The following USP28 variants were observed in gnomAD, a reference collection of about 807,000 sequenced individuals.
USP28 encodes the protein ubiquitin specific peptidase 28.
Under a neutral mutation model 145.0 loss-of-function variants are expected in USP28, and 113 were observed. That is an observed-to-expected ratio of 0.78 (90% CI 0.67 to 0.91). The LOEUF (loss-of-function observed/expected upper bound fraction) is 0.91. Among genes scored for constraint, USP28 ranks in the 40% least tolerant of loss-of-function variants. USP28 has a pLI of 0.00. For synonymous variants in USP28, 447 were observed against 450.9 expected (o/e 0.99, Z 0.11); for missense variants, 1,201 against 1,289.6 (o/e 0.93, Z 1.05).
intron 12 of USP28, among the ~76,000 whole-genome samples, chr11:113,818,729 C>G (rs1159950204): frequency 6.6e-6 from 1 of 152,042 alleles, no homozygotes; most frequent in Non-Finnish European, 1.5e-5. Context: ...GGCATGATGG[C>G]ACACTCCTGT....
intron 12 of USP28, among the ~76,000 whole-genome samples, chr11:113,819,666 G>A (rs1942310834): frequency 6.6e-6 from 1 of 152,074 alleles, no homozygotes; most frequent in Non-Finnish European, 1.5e-5. Flanking sequence ...AATGTATCAA[G>A]GGAATAATTA....
exon 25 of USP28, chr11:113,799,079 T>C (rs1410265885): frequency 1.0e-5 from 8 of 792,120 alleles, no homozygotes; most frequent in South Asian, 2.2e-5. Context: ...AAAAGTGCAA[T>C]TTTATTTTCA....
At chr11:113,804,329 T>C (rs1432023541) in intron 21 of USP28, among the ~76,000 whole-genome samples, 4 of 152,224 alleles carry the variant, frequency 2.6e-5, no homozygotes, top group South Asian at 2.1e-4. Flanking sequence ...TGGGATGCAA[T>C]TGAAAACATG....
intron 14 of USP28, among the ~76,000 whole-genome samples, chr11:113,814,467 T>C (rs973248721): frequency 7.2e-5 from 11 of 152,310 alleles, no homozygotes; most frequent in South Asian, 4.1e-4. Context: ...ACATTGTGCA[T>C]ACTGCTCAAA....
intron 1 of USP28, chr11:113,874,916 T>C (rs930101715): frequency 1.0e-6 from 1 of 998,748 alleles, no homozygotes; most frequent in Middle Eastern, 5.1e-4. Context: ...GAGGCTGCGC[T>C]GTTTTGTTTT....
At chr11:113,838,917 G>C (rs1399676275) in intron 5 of USP28, among the ~76,000 whole-genome samples, 2 of 152,214 alleles carry the variant, frequency 1.3e-5, no homozygotes, top group Admixed American at 6.5e-5. Flanking sequence ...AGCTGGGTAG[G>C]TGCCATGTAC....
intron 19 of USP28, among the ~76,000 whole-genome samples, chr11:113,805,939 A>G (rs1448559882): frequency 6.6e-6 from 1 of 151,360 alleles, no homozygotes; most frequent in Non-Finnish European, 1.5e-5. Flanking sequence ...CTTTTTTTTT[A>G]TTTTTTGGAG....
intron 13 of USP28, among the ~76,000 whole-genome samples, chr11:113,816,847 A>C (rs1374463952): frequency 5.9e-5 from 9 of 152,230 alleles, no homozygotes; most frequent in Admixed American, 5.9e-4. Flanking sequence ...AAAGTGAAAG[A>C]GCAGCCCCAC....
At chr11:113,824,341 T>C (rs1943047343) in intron 11 of USP28, among the ~76,000 whole-genome samples, 1 of 152,026 alleles carries the variant, frequency 6.6e-6, no homozygotes, top group African/African-American at 2.4e-5. Context: ...ATTTTTGAGA[T>C]GGAGTCTCAC....
intron 16 of USP28, among the ~76,000 whole-genome samples, chr11:113,809,982 C>G (rs1280017496): frequency 1.4e-5 from 2 of 140,028 alleles, no homozygotes; most frequent in South Asian, 2.2e-4. Context: ...TTGCAGTAAG[C>G]TGAGGTTGCG....
intron 7 of USP28, among the ~76,000 whole-genome samples, chr11:113,832,972 A>G (rs1944174912): frequency 6.6e-6 from 1 of 152,158 alleles, no homozygotes; most frequent in African/African-American, 2.4e-5. Flanking sequence ...AAAGTCTAGA[A>G]GAGAGAAGTT....
At chr11:113,822,012 T>C (rs1201609683) in intron 12 of USP28, 2 of 152,192 alleles carry the variant, frequency 1.3e-5, no homozygotes, top group African/African-American at 2.4e-5. Flanking sequence ...AGTATTATCA[T>C]GCTAAGGAAA....
intron 1 of USP28, among the ~76,000 whole-genome samples, chr11:113,873,932 A>T (rs1277353742): frequency 7.2e-6 from 1 of 138,806 alleles, no homozygotes; most frequent in South Asian, 2.3e-4. Context: ...CATGAGGTCA[A>T]GAGACCGAGA....
intron 5 of USP28, chr11:113,835,450 A>C (rs1399500585): frequency 2.4e-6 from 1 of 423,596 alleles, no homozygotes; most frequent in Admixed American, 2.7e-5. Flanking sequence ...TACTGACTAG[A>C]GCCCACGTGC....
intron 5 of USP28, among the ~76,000 whole-genome samples, chr11:113,834,857 A>G (rs1944391253): frequency 6.6e-6 from 1 of 152,242 alleles, no homozygotes; most frequent in Non-Finnish European, 1.5e-5. Flanking sequence ...TATGTGTATC[A>G]ACATGGATAA....
chr11:113,807,364 G>A (rs776693350), intron 18 of USP28, among the ~76,000 whole-genome samples: 38 of 148,156 alleles, frequency 2.6e-4, no homozygotes, highest in Non-Finnish European at 4.8e-4. Context: ...GTAAACCTCC[G>A]TGCCCAGCCT....
At chr11:113,814,697 T>C (rs1941458769) in intron 14 of USP28, among the ~76,000 whole-genome samples, 2 of 151,944 alleles carry the variant, frequency 1.3e-5, no homozygotes, top group Non-Finnish European at 2.9e-5. Flanking sequence ...TGGGGGTGTG[T>C]GAGCCAAGTT....
rs756182137 is a variant in USP28, at chr11:113,812,352, A to ATC, written c.1894_1895dup (p.Asp632GlufsTer7). On this transcript the variant is annotated frameshift_variant, in exon 16 of 25. Coordinates refer to ENST00000003302, the Ensembl canonical transcript of USP28. LOFTEE classifies it high-confidence loss of function. The stretch of plus-strand genomic sequence containing the variant: ...TAACATTTCTCAGGCCTCCATAGGA[A>ATC]TCTCTTTCAACTTCTTCCCAGGAAG... 4 of 1,614,020 alleles carry ATC rather than the reference A, an allele frequency of 2.5e-6. No homozygotes were observed. The highest frequency in any genetic ancestry group is 1.7e-6 in the Non-Finnish European group (2 of 1,180,020).
rs915473244 is a variant in USP28 at position 113,809,132 on chromosome 11, G to C, written c.2095C>G (p.Gln699Glu). Residue 699 changes from glutamine to glutamate, a missense_variant, in exon 17 of 25, where the codon CAG (glutamine) becomes GAG (glutamate). By Grantham distance (29) the Gln-to-Glu change is conservative. Transcript: ENST00000003302. ...TCCATTTGAGGGATTTTGCAAGACT[G>C]CTCTTCTTCCCACTCCTCTACTTCC... 3.1e-6 allele frequency: 5 copies of C among 1,614,068 alleles called. No homozygotes were observed. In the African/African-American group the frequency reaches 6.7e-5, roughly 22 times the overall value.
Sources: gnomAD v4.1 joint callset for allele counts (sites outside exome capture counted in the v4.1 genomes callset) on GRCh38, gnomAD v4.1.1 for gene constraint, MANE v1.5 for transcripts, NCBI Gene and HGNC (gene_info 2026-07-23, HGNC 2026-07-21) for gene names.